Variants in RASGRF2 observed in about 807,000 individuals in gnomAD.
RASGRF2 encodes the protein ras-specific guanine nucleotide-releasing factor 2.
RASGRF2 carries 76 observed loss-of-function variants against 151.0 expected under a neutral mutation model. The ratio of observed to expected loss-of-function variants is 0.50; its 90% CI spans 0.42 to 0.61. RASGRF2 has a LOEUF of 0.61. RASGRF2 is among the 20% of genes least tolerant of loss of function. RASGRF2 has a pLI of 0.00. For synonymous variants in RASGRF2, 504 were observed against 566.5 expected, an observed-to-expected ratio of 0.89 and a Z score of 1.57; for missense variants, 1,148 against 1,564.6, an observed-to-expected ratio of 0.73 and a Z score of 4.49.
chr5:81,214,039 T>C (rs1755681324), intron 23 of RASGRF2, among the ~76,000 whole-genome samples: 1 of 152,174 alleles, frequency 6.6e-6, no homozygotes, highest in Non-Finnish European at 1.5e-5. Context: ...ACCAGTCTTA[T>C]CCAGATTTCA....
At chr5:81,145,536 C>A (rs1387652997) in intron 17 of RASGRF2, among the ~76,000 whole-genome samples, 1 of 152,216 alleles carries the variant, frequency 6.6e-6, no homozygotes, top group African/African-American at 2.4e-5. Context: ...TCGTGTATGA[C>A]TTTGGCACCT....
At chr5:81,146,574 G>A (rs991648243) in intron 17 of RASGRF2, among the ~76,000 whole-genome samples, 2 of 152,060 alleles carry the variant, frequency 1.3e-5, no homozygotes, top group Admixed American at 6.5e-5. Context: ...ATTCTGGGAC[G>A]AAAAACTTGG....
Position 81,153,474 on chromosome 5 carries a change from G to A in RASGRF2, c.2686+26311G>A, listed in dbSNP as rs144379028. ...GGATGGAGGGCACCCTCTAGAAGCT[G>A]GAAAAAGCAAGAAAATGGATTCTGT... is the stretch of plus-strand genomic sequence containing the variant. On this transcript the variant is annotated intron_variant, in intron 17 of 26. Transcript: ENST00000265080. Among the ~76,000 whole-genome samples the A allele has an allele frequency of 1.7e-4, 26 of 152,274 alleles. No individual in the cohort carries two copies. In the East Asian group the frequency reaches 5.0e-3, roughly 29 times the overall value.
chr5:81,084,667 A>G (rs572770540), intron 7 of RASGRF2, among the ~76,000 whole-genome samples: 1 of 152,320 alleles, frequency 6.6e-6, no homozygotes, highest in Non-Finnish European at 1.5e-5. Context: ...AATGAAGGCC[A>G]CCACTTGCAC....
chr5:81,052,679 T>C (rs1012860806), intron 2 of RASGRF2, among the ~76,000 whole-genome samples: 1 of 152,122 alleles, frequency 6.6e-6, no homozygotes, highest in African/African-American at 2.4e-5. Flanking sequence ...AGGAGAGAAC[T>C]TGAGAACCAG....
intron 17 of RASGRF2, among the ~76,000 whole-genome samples, chr5:81,143,753 G>C (rs947023034): frequency 6.6e-6 from 1 of 151,988 alleles, no homozygotes; most frequent in Admixed American, 6.6e-5. Flanking sequence ...AGCCGGACGT[G>C]GTGGTGCACA....
chr5:81,212,776 G>A (rs1755654369), intron 23 of RASGRF2, among the ~76,000 whole-genome samples: 1 of 152,032 alleles, frequency 6.6e-6, no homozygotes, highest in South Asian at 2.1e-4. Flanking sequence ...GCATTTTGGG[G>A]GACAGCCACA....
At chr5:81,088,672 G>A (rs893229617) in intron 9 of RASGRF2, 3 of 152,154 alleles carry the variant, frequency 2.0e-5, no homozygotes, top group Non-Finnish European at 4.4e-5. Context: ...GGAGACGAAA[G>A]TTTCTATAAT....
chr5:81,049,027 C>T (rs1750925557), intron 2 of RASGRF2, among the ~76,000 whole-genome samples: 1 of 152,082 alleles, frequency 6.6e-6, no homozygotes, highest in Non-Finnish European at 1.5e-5. Context: ...TTTGTCCCTA[C>T]TCTACTATAA....
intron 26 of RASGRF2, among the ~76,000 whole-genome samples, chr5:81,224,181 AT>A (rs1580419844): frequency 6.6e-6 from 1 of 152,264 alleles, no homozygotes; most frequent in South Asian, 2.1e-4. Context: ...AAGAAAAAAA[AT>A]GACCAATAAA....
chr5:80,982,850 T>C (rs1748354852), intron 1 of RASGRF2, among the ~76,000 whole-genome samples: 1 of 152,064 alleles, frequency 6.6e-6, no homozygotes, highest in Non-Finnish European at 1.5e-5. Context: ...TCTGCCCGCC[T>C]GGGCCTCCCA....
intron 17 of RASGRF2, among the ~76,000 whole-genome samples, chr5:81,178,942 G>T (rs886713411): frequency 2.6e-5 from 4 of 152,166 alleles, no homozygotes; most frequent in African/African-American, 4.8e-5. Flanking sequence ...GTTTCACCAT[G>T]TTAGCCGGGA....
intron 1 of RASGRF2, among the ~76,000 whole-genome samples, chr5:81,027,007 T>C (rs1750059180): frequency 6.6e-6 from 1 of 152,208 alleles, no homozygotes. Context: ...AGTTTCCTGC[T>C]TCTTATTTTT....
Position 80,982,963 on chromosome 5 carries a change from C to T in RASGRF2, c.288+21937C>T, listed in dbSNP as rs553339822. ...GAATTTTTCTTGATGTCAAATAGGT[C>T]TCCACAAAAATTTGCAGTAGCTTGG... On this transcript the variant is annotated intron_variant, in intron 1 of 26. Transcript: ENST00000265080. Among the ~76,000 whole-genome samples, 288 of 152,232 alleles carry T rather than the reference C, an allele frequency of 1.9e-3. 3 individuals carry two copies. Among genetic ancestry groups the T allele is most frequent in the African/African-American group, 6.5e-3 (271 of 41,536 alleles).
At chr5:80,999,780 ATTTTG>A (rs1749020877) in intron 1 of RASGRF2, among the ~76,000 whole-genome samples, 1 of 151,896 alleles carries the variant, frequency 6.6e-6, no homozygotes, top group African/African-American at 2.4e-5. Flanking sequence ...TGCGTTTTTT[ATTTTG>A]TTTTGTTTTT....
At chr5:81,122,901 C>G (rs1023211045) in intron 15 of RASGRF2, among the ~76,000 whole-genome samples, 1 of 152,096 alleles carries the variant, frequency 6.6e-6, no homozygotes, top group African/African-American at 2.4e-5. Context: ...GCTCAAATGA[C>G]CTTAAACCCT....
At chr5:81,165,783 C>A (rs1332319762) in intron 17 of RASGRF2, among the ~76,000 whole-genome samples, 2 of 152,080 alleles carry the variant, frequency 1.3e-5, no homozygotes, top group Non-Finnish European at 2.9e-5. Flanking sequence ...CCACTCTCTT[C>A]ATGGCCACTT....
intron 1 of RASGRF2, among the ~76,000 whole-genome samples, chr5:80,969,921 G>A (rs1747876461): frequency 6.8e-6 from 1 of 147,390 alleles, no homozygotes; most frequent in Admixed American, 7.0e-5. Flanking sequence ...CCGCGACCTG[G>A]GTTCAAGCGA....
In RASGRF2 at chr5:81,073,195, G is replaced by A; in HGVS notation, c.634-4G>A. ...AGATTCCTTTCTGATTTTTTGTTCT[G>A]TAGGTTCAGAGCTTCATGCGAGGAT... On this transcript the variant is annotated splice_polypyrimidine_tract_variant and splice_region_variant and intron_variant, in intron 4 of 26. Coordinates refer to ENST00000265080, the MANE Select transcript of RASGRF2 (RefSeq NM_006909.3). The A allele has an allele frequency of 6.2e-7, 1 of 1,606,858 alleles. No homozygotes were observed. Among genetic ancestry groups the A allele is most frequent in the Non-Finnish European group, 8.5e-7 (1 of 1,175,414 alleles).
Sources: allele counts gnomAD v4.1 joint callset (sites outside exome capture counted in the v4.1 genomes callset), GRCh38; gene constraint gnomAD v4.1.1; transcripts MANE v1.5; gene names NCBI Gene and HGNC (gene_info 2026-07-23, HGNC 2026-07-21).